Variants in GPSM2 observed in about 807,000 individuals in gnomAD.
GPSM2 encodes G protein-signaling modulator 2.
GPSM2 carries 58 observed loss-of-function variants against 78.4 expected under a neutral mutation model. The observed-to-expected ratio is 0.74, with a 90% confidence interval of 0.60 to 0.92. The LOEUF is 0.92. Among genes scored for constraint, GPSM2 ranks in the 40% least tolerant of loss-of-function variants. The probability of loss-of-function intolerance (pLI) is 0.00; values close to 1 mark genes in which losing one functional copy is unlikely to be tolerated. For synonymous variants in GPSM2, 224 were observed against 280.2 expected, an observed-to-expected ratio of 0.80 and a Z score of 2.00; for missense variants, 700 against 815.5, an observed-to-expected ratio of 0.86 and a Z score of 1.73.
intron 7 of GPSM2, among the ~76,000 whole-genome samples, chr1:108,900,441 G>A (rs995792519): frequency 3.3e-5 from 5 of 152,040 alleles, no homozygotes; most frequent in African/African-American, 1.2e-4. Flanking sequence ...GTTTCGCCAT[G>A]TTGGCCAGGC....
chr1:108,908,147 G>A (rs552370693), intron 10 of GPSM2, among the ~76,000 whole-genome samples: 2 of 152,304 alleles, frequency 1.3e-5, no homozygotes, highest in African/African-American at 4.8e-5. Flanking sequence ...CAAGGCGAGC[G>A]GATCATGAGG....
chr1:108,918,698 TG>T lies in GPSM2; in HGVS notation c.1350del (p.Lys451ArgfsTer46). The T allele has an allele frequency of 6.2e-7, 1 of 1,613,336 alleles. No individual in the cohort carries two copies. Among genetic ancestry groups the T allele is most frequent in the Non-Finnish European group, 8.5e-7 (1 of 1,179,330 alleles). ...PSAKLLFVNR[L>X]KGKKYKTNSS... ...GCAAAGCTACTCTTTGTCAACAGAC[TG>T]AAGGGGAAAAAATACAAAACGAATT... On this transcript the variant is annotated frameshift_variant, in exon 12 of 15. Transcript: ENST00000264126. LOFTEE classifies it high-confidence loss of function.
intron 10 of GPSM2, among the ~76,000 whole-genome samples, chr1:108,908,263 C>T (rs1001497767): frequency 2.6e-5 from 4 of 151,858 alleles, no homozygotes; most frequent in African/African-American, 9.7e-5. Context: ...CGCAGCTACT[C>T]GGGAGGCTGA....
Position 108,929,785 on chromosome 1 carries a change from C to T in GPSM2, c.1900C>T (p.Leu634Phe), listed in dbSNP as rs1451036426. ...AGTACCAGATGAAGACTTTTTCAGC[C>T]TTATTTTACGGTCCCAGGGAAAGAG... ...PTVPDEDFFSLILRSQGKRMD... is the reference protein window; with the variant it reads ...PTVPDEDFFSFILRSQGKRMD... Residue 634 changes from leucine to phenylalanine, a missense_variant, in exon 15 of 15, where the codon CTT (leucine) becomes TTT (phenylalanine). Transcript: ENST00000264126. 5 of 1,613,928 alleles carry T rather than the reference C, an allele frequency of 3.1e-6. No homozygotes were observed. Among genetic ancestry groups the T allele is most frequent in the Non-Finnish European group, 4.2e-6 (5 of 1,179,844 alleles).
intron 2 of GPSM2, among the ~76,000 whole-genome samples, chr1:108,887,267 G>T (rs1647633114): frequency 6.6e-6 from 1 of 152,128 alleles, no homozygotes; most frequent in Admixed American, 6.5e-5. Context: ...AAAAATGTGG[G>T]TTGAACATTT....
rs1439676030 is a variant in GPSM2, at chr1:108,930,884, C to CTT, written c.*945_*946insTT. 7.6e-6 allele frequency: 1 copy of CTT among 131,992 alleles called. No individual in the cohort carries two copies. The highest frequency in any genetic ancestry group is 2.0e-4 in the East Asian group (1 of 5,090). The allele number at this position is 131,992 out of a possible 1,614,324, so 8.2% of individuals were successfully genotyped here. A position where few individuals can be genotyped will look rare whatever the true frequency, so the allele number is the denominator to read the frequency against. ...CCAGCCTGAGTGACAGAGCAAGACTCTGTCTCAAAAAAAAAAAAAACAGCA... is the reference window on the plus strand; with the variant it reads ...CCAGCCTGAGTGACAGAGCAAGACTCTTTGTCTCAAAAAAAAAAAAAACAGCA... On this transcript the variant is annotated 3_prime_UTR_variant, in exon 15 of 15. Coordinates refer to ENST00000264126, the MANE Select transcript of GPSM2 (RefSeq NM_013296.5).
At chr1:108,928,867 A>G (rs839855) in intron 14 of GPSM2, among the ~76,000 whole-genome samples, 142,499 of 151,914 alleles carry the variant, frequency 0.94, 66,943 homozygotes, top group East Asian at 1. Flanking sequence ...ACGCATGCCT[A>G]TAGTCTCAGC....
Position 108,914,406 on chromosome 1 carries a change from A to T in GPSM2, c.1261A>T (p.Lys421Ter). The T allele has an allele frequency of 6.2e-7, 1 of 1,601,584 alleles. No individual in the cohort carries two copies. The highest frequency in any genetic ancestry group is 8.6e-7 in the Non-Finnish European group (1 of 1,169,112). The change falls in exon 11 of 15, where the codon AAG becomes TAG. Residue 421 changes from lysine to a stop codon, truncating the protein, a stop_gained and splice_region_variant. Transcript: ENST00000264126. LOFTEE classifies it high-confidence loss of function. Reference sequence around the variant, plus strand: ...GGAACTTATGAAGTTAACACCAGAAAAGGTGGGTGGCAGGTTTTATGTTTT... The same window carrying T: ...GGAACTTATGAAGTTAACACCAGAATAGGTGGGTGGCAGGTTTTATGTTTT... ...NMELMKLTPE[K>*]VQNWNSEILA...
chr1:108,902,800 C>T (rs938525591), intron 8 of GPSM2, among the ~76,000 whole-genome samples: 3 of 152,158 alleles, frequency 2.0e-5, no homozygotes, highest in African/African-American at 7.2e-5. Flanking sequence ...GAATAATTAC[C>T]TGGTAGGGCT....
chr1:108,907,016 C>T (rs1649285958), intron 10 of GPSM2, among the ~76,000 whole-genome samples: 1 of 152,172 alleles, frequency 6.6e-6, no homozygotes. Context: ...TAGTTCCCAT[C>T]ACACCTAGAA....
In GPSM2 at chr1:108,923,997, T is replaced by C. The variant is rs1338485620; in HGVS notation, c.1601-3T>C. On this transcript the variant is annotated splice_region_variant and splice_polypyrimidine_tract_variant and intron_variant, in intron 13 of 14. Transcript: ENST00000264126. ...ATCTTTGGCTTTCTTCTTCTGTTCTTAGCATCATCTGTTCCTGTGGTATCC... is the reference window on the plus strand; with the variant it reads ...ATCTTTGGCTTTCTTCTTCTGTTCTCAGCATCATCTGTTCCTGTGGTATCC... 3 of 1,586,546 alleles carry C rather than the reference T, an allele frequency of 1.9e-6. No individual in the cohort carries two copies. Among genetic ancestry groups the C allele is most frequent in the Non-Finnish European group, 1.7e-6 (2 of 1,154,946 alleles).
chr1:108,896,829 T>C (rs1394757990), intron 2 of GPSM2, 35 bp from the exon 3 acceptor site: 1 of 1,433,968 alleles, frequency 7.0e-7, no homozygotes, highest in Admixed American at 1.7e-5. Flanking sequence ...AGCTGTAATG[T>C]TATGTTTAAA....
chr1:108,889,510 A>T (rs569622421), intron 2 of GPSM2, among the ~76,000 whole-genome samples: 4 of 152,240 alleles, frequency 2.6e-5, no homozygotes, highest in Non-Finnish European at 4.4e-5. Flanking sequence ...AGCTAAGAAC[A>T]TAAGGTACAT....
chr1:108,891,688 G>A (rs1170958491), intron 2 of GPSM2, among the ~76,000 whole-genome samples: 1 of 118,550 alleles, frequency 8.4e-6, no homozygotes, highest in African/African-American at 3.6e-5. Context: ...TTTTTTTGGT[G>A]GAGATGGGGT....
intron 10 of GPSM2, among the ~76,000 whole-genome samples, chr1:108,906,033 ATGAGTT>A (rs1317119739): frequency 2.0e-5 from 3 of 152,136 alleles, no homozygotes; most frequent in African/African-American, 4.8e-5. Context: ...AATTTCTCTC[ATGAGTT>A]TGAGACTCAT....
chr1:108,915,568 A>G (rs1553214966), intron 11 of GPSM2, among the ~76,000 whole-genome samples: 1 of 150,792 alleles, frequency 6.6e-6, no homozygotes, highest in Non-Finnish European at 1.5e-5. Flanking sequence ...CTGGGACTGC[A>G]GGCGGGCACC....
intron 8 of GPSM2, among the ~76,000 whole-genome samples, chr1:108,902,317 G>T (rs1241707442): frequency 1.3e-5 from 2 of 151,086 alleles, no homozygotes; most frequent in Non-Finnish European, 2.9e-5. Flanking sequence ...GGAGGTGGAG[G>T]TTGCAGTGAG....
rs1282530194 is a variant in GPSM2, at chr1:108,882,954, G to A, written c.-248-2321G>A. ...GCTGTGGCATGCACCTGTAGTCCCA[G>A]CTACTTGGGAGGTTGAAGCGAGAGG... On this transcript the variant is annotated intron_variant, in intron 1 of 14. Coordinates refer to ENST00000264126, the MANE Select transcript of GPSM2 (RefSeq NM_013296.5). Among the ~76,000 whole-genome samples the A allele has an allele frequency of 2.6e-5, 4 of 152,270 alleles. 1 individual carries two copies. Among genetic ancestry groups the A allele is most frequent in the Middle Eastern group, 6.8e-3 (2 of 294 alleles).
In GPSM2 at chr1:108,933,120, G is replaced by A. The variant is rs1157926626; in HGVS notation, c.*3180G>A. ...CCTCCCTCAACCTTCCAAAGTGCTA[G>A]GACTGTAGGCATGAGCCACTGCACC... On this transcript the variant is annotated 3_prime_UTR_variant, in exon 15 of 15. Coordinates refer to ENST00000264126, the MANE Select transcript of GPSM2 (RefSeq NM_013296.5). 6.6e-6 allele frequency: 1 copy of A among 151,712 alleles called. No homozygotes were observed. The highest frequency in any genetic ancestry group is 1.5e-5 in the Non-Finnish European group (1 of 68,008). 9.4% of individuals were successfully genotyped at this position (151,712 alleles called of 1,614,324 possible). A position where few individuals can be genotyped will look rare whatever the true frequency, so the allele number is the denominator to read the frequency against.
Sources: gnomAD v4.1 joint callset for allele counts (sites outside exome capture counted in the v4.1 genomes callset) on GRCh38, gnomAD v4.1.1 for gene constraint, MANE v1.5 for transcripts, NCBI Gene and HGNC (gene_info 2026-07-23, HGNC 2026-07-21) for gene names.